Variants in RPH3A observed in about 807,000 individuals in gnomAD.
RPH3A encodes rabphilin 3A.
Under a neutral mutation model 102.2 loss-of-function variants are expected in RPH3A, and 48 were observed. The observed-to-expected ratio is 0.47, with a 90% confidence interval of 0.37 to 0.60. The LOEUF is 0.60. RPH3A is among the 20% of genes least tolerant of loss of function. The pLI is 0.00. For synonymous variants in RPH3A, 310 were observed against 324.3 expected, an observed-to-expected ratio of 0.96 and a Z score of 0.47; for missense variants, 781 against 910.1, an observed-to-expected ratio of 0.86 and a Z score of 1.83.
intron 1 of RPH3A, among the ~76,000 whole-genome samples, chr12:112,784,474 T>C (rs955310240): frequency 2.0e-5 from 3 of 152,240 alleles, no homozygotes; most frequent in African/African-American, 4.8e-5. Context: ...TGAACTATGG[T>C]CGTATCTCAT....
chr12:112,608,704 T>G lies in RPH3A; in HGVS notation c.-140+33385T>G, dbSNP rs181912140. On this transcript the variant is annotated intron_variant, in intron 1 of 21. Coordinates refer to the RPH3A transcript ENST00000543106. ...TTGAGCTTCTGTGTTAAATGCACAG[T>G]AAGCTGTGATAAAAGGGGAGGCAGA... Among the ~76,000 whole-genome samples, 321 of 152,314 alleles carry G rather than the reference T, an allele frequency of 2.1e-3. 2 individuals carry two copies. Among genetic ancestry groups the G allele is most frequent in the African/African-American group, 7.1e-3 (294 of 41,584 alleles).
At chr12:112,790,946 T>G (rs2041092946), upstream of RPH3A, among the ~76,000 whole-genome samples, 2 of 152,184 alleles carry the variant, frequency 1.3e-5, no homozygotes, top group Non-Finnish European at 2.9e-5. Flanking sequence ...TGGGTATTCT[T>G]ATTGTTGCAT....
At chr12:112,587,549 C>T (rs560768806) in intron 1 of RPH3A, among the ~76,000 whole-genome samples, 1 of 152,252 alleles carries the variant, frequency 6.6e-6, no homozygotes, top group Non-Finnish European at 1.5e-5. Context: ...GCTGGCTGTT[C>T]CCTCTGCTTG....
At chr12:112,739,967 C>A (rs2040697326) in intron 1 of RPH3A, among the ~76,000 whole-genome samples, 1 of 152,152 alleles carries the variant, frequency 6.6e-6, no homozygotes, top group African/African-American at 2.4e-5. Context: ...TGGGTAGTAA[C>A]CACTTTCTGC....
At chr12:112,732,503 G>A (rs921959553) in intron 1 of RPH3A, among the ~76,000 whole-genome samples, 3 of 152,176 alleles carry the variant, frequency 2.0e-5, no homozygotes, top group Non-Finnish European at 4.4e-5. Flanking sequence ...CCTCATTAAC[G>A]CACGCTAGGT....
At chr12:112,857,788 A>C (rs746228809) in intron 5 of RPH3A, among the ~76,000 whole-genome samples, 9 of 152,170 alleles carry the variant, frequency 5.9e-5, no homozygotes, top group Non-Finnish European at 1.2e-4. Flanking sequence ...CCCTCCTGAT[A>C]TGCTCTTTCA....
intron 1 of RPH3A, among the ~76,000 whole-genome samples, chr12:112,664,948 G>A (rs1370991810): frequency 6.6e-6 from 1 of 151,836 alleles, no homozygotes; most frequent in Admixed American, 6.6e-5. Context: ...CCATGGCGGG[G>A]GTGGGGGGGA....
intron 2 of RPH3A, among the ~76,000 whole-genome samples, chr12:112,824,088 A>C (rs1241327849): frequency 2.0e-5 from 3 of 152,170 alleles, no homozygotes; most frequent in African/African-American, 7.2e-5. Flanking sequence ...GGACTCAGGG[A>C]GTGCTCCAAG....
intron 1 of RPH3A, among the ~76,000 whole-genome samples, chr12:112,671,870 TAC>T (rs372046825): frequency 5.2e-4 from 76 of 147,406 alleles, no homozygotes; most frequent in Non-Finnish European, 6.8e-4. Flanking sequence ...TCTATCTATC[TAC>T]ACACACACAC....
chr12:112,745,185 G>A (rs1251634816), intron 1 of RPH3A, among the ~76,000 whole-genome samples: 1 of 152,112 alleles, frequency 6.6e-6, no homozygotes, highest in Non-Finnish European at 1.5e-5. Context: ...TTAGATTCAG[G>A]TTGTGCATTT....
intron 1 of RPH3A, among the ~76,000 whole-genome samples, chr12:112,639,905 A>G (rs1382384138): frequency 6.6e-6 from 1 of 152,198 alleles, no homozygotes; most frequent in Non-Finnish European, 1.5e-5. Context: ...GAATCCTCAC[A>G]ACAGCTCAAG....
chr12:112,715,269 GC>G (rs1377777289), intron 1 of RPH3A, among the ~76,000 whole-genome samples: 1 of 152,090 alleles, frequency 6.6e-6, no homozygotes. Flanking sequence ...CTACTGAAAT[GC>G]CACTTCCTTG....
chr12:112,756,473 A>G (rs2040824162), intron 1 of RPH3A, among the ~76,000 whole-genome samples: 1 of 151,850 alleles, frequency 6.6e-6, no homozygotes, highest in African/African-American at 2.4e-5. Flanking sequence ...TGGCCTCCCA[A>G]AGTGCTGGGA....
intron 1 of RPH3A, among the ~76,000 whole-genome samples, chr12:112,723,270 T>C (rs1306791082): frequency 6.6e-6 from 1 of 152,208 alleles, no homozygotes; most frequent in Non-Finnish European, 1.5e-5. Context: ...ATAACATAAA[T>C]AGTCAGCTGA....
chr12:112,865,066 G>A (rs2136219027), intron 5 of RPH3A, among the ~76,000 whole-genome samples: 1 of 152,326 alleles, frequency 6.6e-6, no homozygotes, highest in Middle Eastern at 3.4e-3. Context: ...AGACATCCAA[G>A]TAAAGGCATG....
At chr12:112,859,007 A>G (rs1045183763) in intron 5 of RPH3A, among the ~76,000 whole-genome samples, 8 of 152,248 alleles carry the variant, frequency 5.3e-5, no homozygotes, top group African/African-American at 1.9e-4. Flanking sequence ...ATGTAAAGAC[A>G]TAGTAGTGAG....
intron 5 of RPH3A, among the ~76,000 whole-genome samples, chr12:112,854,964 T>C (rs1245901132): frequency 6.6e-6 from 1 of 152,240 alleles, no homozygotes; most frequent in East Asian, 1.9e-4. Flanking sequence ...CATATGTTTC[T>C]TCATTCAGTT....
At chr12:112,619,487 T>A (rs929010800) in intron 1 of RPH3A, among the ~76,000 whole-genome samples, 10 of 152,168 alleles carry the variant, frequency 6.6e-5, no homozygotes, top group Non-Finnish European at 1.5e-4. Flanking sequence ...TTCACCGTGT[T>A]GGCCAGGCTG....
intron 5 of RPH3A, among the ~76,000 whole-genome samples, chr12:112,862,388 G>C (rs2042534278): frequency 6.6e-6 from 1 of 152,202 alleles, no homozygotes; most frequent in Non-Finnish European, 1.5e-5. Context: ...CTGGATGGCA[G>C]AGCAAGGCCC....
Sources: allele counts gnomAD v4.1 joint callset (sites outside exome capture counted in the v4.1 genomes callset), GRCh38; gene constraint gnomAD v4.1.1; transcripts MANE v1.5; gene names NCBI Gene and HGNC (gene_info 2026-07-23, HGNC 2026-07-21).